The following REV1 variants were observed in gnomAD, a reference collection of about 807,000 sequenced individuals.
REV1 encodes the protein REV1 DNA directed polymerase, also known as translesion synthesis protein REV1.
Under a neutral mutation model 137.4 loss-of-function variants are expected in REV1, and 42 were observed. That is an observed-to-expected ratio of 0.31 (90% confidence interval 0.24 to 0.40). REV1 has a LOEUF of 0.40. Among genes scored for constraint, REV1 ranks in the 10% least tolerant of loss-of-function variants. The pLI is 1.00. For missense variants in REV1, 1,282 were observed against 1,490.1 expected (o/e 0.86, Z 2.30); for synonymous variants, 524 against 519.2 (o/e 1.01, Z -0.12).
intron 9 of REV1, among the ~76,000 whole-genome samples, chr2:99,426,781 T>A (rs1679434425): frequency 6.6e-6 from 1 of 152,188 alleles, no homozygotes; most frequent in Admixed American, 6.5e-5. Flanking sequence ...CTTCGTTAAG[T>A]GTATGCTGCA....
In REV1 at chr2:99,404,804, C is replaced by G. The variant is rs1283108500; in HGVS notation, c.2812-127G>C. ...ATAATCAATGTAAGGTACAGACCAT[C>G]AAGCTAGGAAAGCCACCTCCAAATC... is the stretch of plus-strand genomic sequence containing the variant. On this transcript the variant is annotated intron_variant, in intron 17 of 22. Coordinates refer to ENST00000258428, the MANE Select transcript of REV1 (RefSeq NM_016316.4). 9.6e-6 allele frequency: 7 copies of G among 725,710 alleles called. No homozygotes were observed. In the East Asian group the frequency reaches 1.9e-4, roughly 20 times the overall value. The allele number at this position is 725,710 out of a possible 1,614,324, so 45.0% of individuals were successfully genotyped here. A position where few individuals can be genotyped will look rare whatever the true frequency, so the allele number is the denominator to read the frequency against.
intron 12 of REV1, among the ~76,000 whole-genome samples, chr2:99,416,869 C>A: frequency 7.3e-6 from 1 of 136,448 alleles, no homozygotes; most frequent in Non-Finnish European, 1.5e-5. Context: ...GCCGAGATCG[C>A]ACCATTGCAC....
At chr2:99,403,459 T>TTTAAG (rs1675799362) in intron 19 of REV1, 4 of 598,424 alleles carry the variant, frequency 6.7e-6, no homozygotes, top group African/African-American at 5.6e-5. Flanking sequence ...TAATGTCCTA[T>TTTAAG]TCCAACTTTT....
chr2:99,452,442 A>AG (rs374363952), intron 3 of REV1, among the ~76,000 whole-genome samples: 217 of 151,814 alleles, frequency 1.4e-3, no homozygotes, highest in African/African-American at 5.0e-3. Flanking sequence ...AAAAAGGAAA[A>AG]GAAAAAAAAA....
intron 6 of REV1, among the ~76,000 whole-genome samples, chr2:99,437,043 C>T (rs1419124872): frequency 6.8e-6 from 1 of 147,568 alleles, no homozygotes; most frequent in African/African-American, 2.5e-5. Flanking sequence ...GTCTGGAGTG[C>T]AGTGGTGCGA....
chr2:99,429,360 C>T (rs1029566163), intron 9 of REV1, among the ~76,000 whole-genome samples: 1 of 152,118 alleles, frequency 6.6e-6, no homozygotes, highest in African/African-American at 2.4e-5. Context: ...ACTCTTAACA[C>T]TTTTAAGTGA....
chr2:99,452,844 C>T (rs1031622927), intron 3 of REV1, among the ~76,000 whole-genome samples: 3 of 152,168 alleles, frequency 2.0e-5, no homozygotes, highest in African/African-American at 7.2e-5. Context: ...ATTAGAGACG[C>T]CATATAATGT....
chr2:99,433,986 A>T (rs1559339818), intron 8 of REV1, among the ~76,000 whole-genome samples: 1 of 152,174 alleles, frequency 6.6e-6, no homozygotes, highest in Non-Finnish European at 1.5e-5. Flanking sequence ...TCCTCATACA[A>T]ATCTTGAGCA....
chr2:99,421,144 C>CAG lies in REV1; in HGVS notation c.1831+353_1831+354dup, dbSNP rs144608626. ...CTCCATGTGCCGGGAGGCTGAAGTG[C>CAG]AGAGAGTAACAAGACTCAGACTTAA... On this transcript the variant is annotated intron_variant, in intron 11 of 22. Coordinates refer to ENST00000258428, the MANE Select transcript of REV1 (RefSeq NM_016316.4). 2.2e-4 allele frequency among the ~76,000 whole-genome samples: 33 copies of CAG among 152,106 alleles called. No homozygotes were observed. In the East Asian group the frequency reaches 5.0e-3, roughly 23 times the overall value.
chr2:99,458,413 T>C (rs1683771615), intron 3 of REV1, among the ~76,000 whole-genome samples: 1 of 152,274 alleles, frequency 6.6e-6, no homozygotes, highest in Middle Eastern at 3.4e-3. Flanking sequence ...TCTATTAAAA[T>C]GGATAAAATG....
At position 99,442,277 on chromosome 2, in the gene REV1, C is replaced by T. The variant is rs532875320; in HGVS notation, c.503+40G>A. The T allele has an allele frequency of 6.1e-6, 5 of 816,864 alleles. No homozygotes were observed. The Admixed American group carries it at 1.9e-4, about 31-fold the overall frequency. The allele number at this position is 816,864 out of a possible 1,614,324, so 50.6% of individuals were successfully genotyped here. A position where few individuals can be genotyped will look rare whatever the true frequency, so the allele number is the denominator to read the frequency against. On this transcript the variant is annotated intron_variant, in intron 5 of 22. Transcript: ENST00000258428. ...CAAAAAAAAAAAAAAAAAAAAAAAA[C>T]CAACCAGCTTTGCAGTAATCCCCAA... is the stretch of plus-strand genomic sequence containing the variant.
At chr2:99,458,099 T>C (rs2105059871) in intron 3 of REV1, among the ~76,000 whole-genome samples, 1 of 152,220 alleles carries the variant, frequency 6.6e-6, no homozygotes, top group South Asian at 2.1e-4. Flanking sequence ...GATCAACATA[T>C]CAGATCTCAT....
intron 4 of REV1, 96 bp downstream of exon 4, chr2:99,449,240 G>A: frequency 1.5e-6 from 1 of 678,432 alleles, no homozygotes; most frequent in South Asian, 3.3e-5. Flanking sequence ...ACTCTAGCCT[G>A]GGCGACAAAG....
At chr2:99,471,297 C>T (rs1461587002) in intron 1 of REV1, among the ~76,000 whole-genome samples, 1 of 152,146 alleles carries the variant, frequency 6.6e-6, no homozygotes, top group Non-Finnish European at 1.5e-5. Context: ...AACCCAGGGT[C>T]ATCTGTGTTT....
rs1185467083 is a variant in REV1 at position 99,458,314 on chromosome 2, AAAGAT to A, written c.181+4177_181+4181del. On this transcript the variant is annotated intron_variant, in intron 3 of 22. Transcript: ENST00000258428. ...ACAAATGTTTCACCAATGATGATGT[AAAGAT>A]AAGAAATAAACACATGAAAGAATGT... is the stretch of plus-strand genomic sequence containing the variant. 3.3e-5 allele frequency among the ~76,000 whole-genome samples: 5 copies of A among 152,212 alleles called. No homozygotes were observed. The East Asian group carries it at 9.6e-4, about 29-fold the overall frequency.
chr2:99,421,723 T>TA, intron 10 of REV1, 70 bp from the exon 11 acceptor site: 1 of 1,472,798 alleles, frequency 6.8e-7, no homozygotes, highest in Non-Finnish European at 9.2e-7. Flanking sequence ...TGTTGCAAAA[T>TA]AGTCTTCTTA....
At chr2:99,481,849 C>T (rs1273919956) in intron 1 of REV1, among the ~76,000 whole-genome samples, 6 of 152,050 alleles carry the variant, frequency 3.9e-5, no homozygotes, top group Non-Finnish European at 8.8e-5. Flanking sequence ...AGTGAGACCC[C>T]GTCCCTAAAA....
rs574234238 is a variant in REV1 at position 99,406,464 on chromosome 2, A to C, written c.2475T>G (p.Val825=). 7.5e-6 allele frequency: 12 copies of C among 1,609,722 alleles called. 1 individual carries two copies. The South Asian group carries it at 1.3e-4, about 18-fold the overall frequency. ...ATGTGGAAGGGTTCAGATTAGTTGG[A>C]ACCAACTGATTCACGTGAATCCCAA... ...RGVGIHVNQL[V]PTNLNPSTCP... Residue 825 remains valine (V), a synonymous_variant, in exon 16 of 23, where the codon GTT becomes GTG. Coordinates refer to ENST00000258428, the MANE Select transcript of REV1 (RefSeq NM_016316.4).
chr2:99,410,591 A>G, intron 14 of REV1, 104 bp downstream of exon 14: 1 of 994,574 alleles, frequency 1.0e-6, no homozygotes, highest in Non-Finnish European at 1.5e-6. Context: ...TAACGGGTTT[A>G]CAGGTCTTTA....
Sources: allele counts gnomAD v4.1 joint callset (sites outside exome capture counted in the v4.1 genomes callset), GRCh38; gene constraint gnomAD v4.1.1; transcripts MANE v1.5; gene names NCBI Gene and HGNC (gene_info 2026-07-23, HGNC 2026-07-21).